Variants in TMEFF2 observed in about 807,000 individuals in gnomAD.
TMEFF2 encodes tomoregulin-2.
In TMEFF2, 28 loss-of-function variants were observed where a neutral mutation model predicts 53.8. The observed-to-expected ratio is 0.52, with a 90% CI of 0.39 to 0.71. TMEFF2 has a LOEUF of 0.71. Ranked by LOEUF, TMEFF2 falls within the 30% of genes least tolerant of loss-of-function variation. The pLI, the probability that TMEFF2 is intolerant of heterozygous loss-of-function variation, is 0.00. For synonymous variants in TMEFF2, 162 were observed against 166.3 expected, an observed-to-expected ratio of 0.97 and a Z score of 0.20; for missense variants, 353 against 455.2, an observed-to-expected ratio of 0.78 and a Z score of 2.04.
chr2:192,160,894 AGAG>A (rs1387127021), intron 4 of TMEFF2, among the ~76,000 whole-genome samples: 1 of 152,196 alleles, frequency 6.6e-6, no homozygotes, highest in African/African-American at 2.4e-5. Context: ...TAGAGGAAAG[AGAG>A]GAGAAAAAGA....
chr2:192,019,257 T>A (rs1474098833), intron 5 of TMEFF2, among the ~76,000 whole-genome samples: 1 of 151,988 alleles, frequency 6.6e-6, no homozygotes, highest in East Asian at 1.9e-4. Flanking sequence ...TCTTAAAACA[T>A]AAAAGATGGT....
At chr2:191,958,459 G>T (rs930171196) in intron 7 of TMEFF2, among the ~76,000 whole-genome samples, 2 of 152,118 alleles carry the variant, frequency 1.3e-5, no homozygotes, top group Non-Finnish European at 2.9e-5. Context: ...AGAATGTCAA[G>T]AATTTTTTAA....
chr2:192,034,491 C>G (rs188730580), intron 5 of TMEFF2, among the ~76,000 whole-genome samples: 12 of 152,230 alleles, frequency 7.9e-5, no homozygotes, highest in African/African-American at 2.6e-4. Context: ...GTCTTCTTTT[C>G]CTTTTACTAA....
At chr2:192,081,161 C>CT (rs1244430896) in intron 4 of TMEFF2, among the ~76,000 whole-genome samples, 1 of 152,158 alleles carries the variant, frequency 6.6e-6, no homozygotes, top group East Asian at 1.9e-4. Context: ...AAGTGATACG[C>CT]TTTGTTTTTC....
intron 4 of TMEFF2, among the ~76,000 whole-genome samples, chr2:192,086,084 TTGTGTAAATC>T (rs962633578): frequency 2.6e-5 from 4 of 152,254 alleles, no homozygotes; most frequent in Admixed American, 2.0e-4. Flanking sequence ...ATTTGTTATT[TTGTGTAAATC>T]TGTATCTTCG....
intron 5 of TMEFF2, among the ~76,000 whole-genome samples, chr2:192,007,973 G>A (rs952053578): frequency 4.6e-5 from 7 of 152,078 alleles, no homozygotes; most frequent in Non-Finnish European, 8.8e-5. Flanking sequence ...TCTGTACTAC[G>A]TTCCAAACTA....
chr2:192,164,667 G>T (rs1051865260), intron 4 of TMEFF2, among the ~76,000 whole-genome samples: 1 of 151,458 alleles, frequency 6.6e-6, no homozygotes, highest in Non-Finnish European at 1.5e-5. Flanking sequence ...GGTGGAGGTT[G>T]CAGTGAGCCA....
Position 191,998,243 on chromosome 2 carries a change from A to G in TMEFF2, c.745+19T>C. On this transcript the variant is annotated intron_variant, in intron 7 of 9. Transcript: ENST00000272771. ...TTTAATAGAAGAGCTCACATTTTGT[A>G]GAAGAAAATATTATGTACCTGCATA... The G allele has an allele frequency of 1.9e-6, 3 of 1,570,786 alleles. No homozygotes were observed. The highest frequency in any genetic ancestry group is 2.3e-5 in the South Asian group (2 of 85,620).
At chr2:191,969,281 C>T (rs997730289) in intron 7 of TMEFF2, among the ~76,000 whole-genome samples, 2 of 151,910 alleles carry the variant, frequency 1.3e-5, no homozygotes, top group Non-Finnish European at 2.9e-5. Flanking sequence ...CTACTTCTAC[C>T]TCAGTGTGGT....
chr2:192,188,325 C>T (rs955746887), intron 2 of TMEFF2, among the ~76,000 whole-genome samples: 2 of 152,164 alleles, frequency 1.3e-5, no homozygotes, highest in African/African-American at 4.8e-5. Context: ...GACTTTGAAA[C>T]TCAGCCACTA....
At chr2:192,039,731 A>G (rs1687426796) in intron 5 of TMEFF2, among the ~76,000 whole-genome samples, 1 of 152,152 alleles carries the variant, frequency 6.6e-6, no homozygotes, top group African/African-American at 2.4e-5. Context: ...CTGCCATATG[A>G]ACAAGTGATT....
chr2:192,140,417 A>G (rs1574409448), intron 4 of TMEFF2, among the ~76,000 whole-genome samples: 1 of 152,220 alleles, frequency 6.6e-6, no homozygotes, highest in East Asian at 1.9e-4. Flanking sequence ...AGGCTGAATT[A>G]TAGGAATGTG....
At chr2:192,123,101 T>C (rs919279575) in intron 4 of TMEFF2, among the ~76,000 whole-genome samples, 1 of 152,198 alleles carries the variant, frequency 6.6e-6, no homozygotes, top group African/African-American at 2.4e-5. Context: ...TAAAATCATA[T>C]TAAGGAGAAA....
At chr2:192,095,327 C>T (rs1472787595) in intron 4 of TMEFF2, among the ~76,000 whole-genome samples, 1 of 152,002 alleles carries the variant, frequency 6.6e-6, no homozygotes, top group East Asian at 1.9e-4. Context: ...AAGAGTGTTC[C>T]TTGCAATATT....
chr2:192,133,500 C>G (rs1379277516), intron 4 of TMEFF2, among the ~76,000 whole-genome samples: 1 of 152,120 alleles, frequency 6.6e-6, no homozygotes, highest in East Asian at 1.9e-4. Flanking sequence ...CCTTACAATT[C>G]CCCCATTTTA....
intron 7 of TMEFF2, among the ~76,000 whole-genome samples, chr2:191,988,652 TA>T (rs2105823465): frequency 7.0e-6 from 1 of 142,336 alleles, no homozygotes; most frequent in Non-Finnish European, 1.6e-5. Flanking sequence ...ACTTAAAAAC[TA>T]TTTTTTTTTT....
chr2:192,174,951 G>C (rs533613767), intron 4 of TMEFF2, among the ~76,000 whole-genome samples: 1 of 151,708 alleles, frequency 6.6e-6, no homozygotes, highest in South Asian at 2.1e-4. Flanking sequence ...CCTTTTACAA[G>C]CATATTTTAT....
intron 4 of TMEFF2, among the ~76,000 whole-genome samples, chr2:192,078,438 A>G (rs746711507): frequency 4.6e-5 from 7 of 152,184 alleles, no homozygotes; most frequent in Non-Finnish European, 8.8e-5. Context: ...ATTCAAACCC[A>G]GTCTCTTGTG....
chr2:191,982,318 C>T (rs752953154), intron 7 of TMEFF2, among the ~76,000 whole-genome samples: 10 of 151,958 alleles, frequency 6.6e-5, no homozygotes, highest in African/African-American at 1.2e-4. Context: ...CAAAGACTCA[C>T]GGAGGTTATG....
Sources: gnomAD v4.1 joint callset for allele counts (sites outside exome capture counted in the v4.1 genomes callset) on GRCh38, gnomAD v4.1.1 for gene constraint, MANE v1.5 for transcripts, NCBI Gene and HGNC (gene_info 2026-07-23, HGNC 2026-07-21) for gene names.